The following PPP2R1B variants were observed in gnomAD, a reference collection of about 807,000 sequenced individuals.
PPP2R1B encodes serine/threonine-protein phosphatase 2A 65 kDa regulatory subunit A beta isoform.
In PPP2R1B, 58 loss-of-function variants were observed where a neutral mutation model predicts 72.7. That is an observed-to-expected ratio of 0.80 (90% CI 0.65 to 0.99). The LOEUF (loss-of-function observed/expected upper bound fraction) is 0.99. PPP2R1B is among the 50% of genes least tolerant of loss of function. The probability of loss-of-function intolerance (pLI) is 0.00; values close to 1 mark genes in which losing one functional copy is unlikely to be tolerated. For synonymous variants in PPP2R1B, 256 were observed against 264.6 expected (o/e 0.97, Z 0.32); for missense variants, 695 against 733.6 (o/e 0.95, Z 0.61).
chr11:111,722,683 A>G, downstream of PPP2R1B: 1 of 1,614,020 alleles, frequency 6.2e-7, no homozygotes, highest in Non-Finnish European at 8.5e-7. This position sits in a 1 kb window ranked among gnomAD's most constrained non-coding sequence, Gnocchi z 4.4. Flanking sequence ...CCTTCTGTCA[A>G]AGGCCCAGAA....
intron 10 of PPP2R1B, among the ~76,000 whole-genome samples, chr11:111,750,772 A>T (rs1944873755): frequency 6.6e-6 from 1 of 152,202 alleles, no homozygotes; most frequent in Non-Finnish European, 1.5e-5. Context: ...TCAAACAGTA[A>T]CAGATAATGT....
intron 8 of PPP2R1B, 131 bp from the exon 9 acceptor site, chr11:111,753,708 C>T: frequency 6.8e-6 from 6 of 884,392 alleles, no homozygotes; most frequent in Non-Finnish European, 8.3e-6. Flanking sequence ...CTCACTGCAG[C>T]CTCACCCTCC....
chr11:111,752,062 C>T, intron 10 of PPP2R1B, 97 bp downstream of exon 10: 1 of 1,326,478 alleles, frequency 7.5e-7, no homozygotes, highest in South Asian at 1.6e-5. Context: ...TGCATCTAAA[C>T]AAACATAAGC....
rs1944765190 is a variant in PPP2R1B, at chr11:111,747,995, T to C, written c.1358A>G (p.Glu453Gly). Residue 453 changes from glutamate to glycine, a missense_variant, in exon 11 of 15, where the codon GAA becomes GGA. Transcript: ENST00000527614. ...AGQLGVEFFD[E>G]KLNSLCMAWL... ...AGCCATACATAAAGAATTCAGCTTT[T>C]CATCAAAGAATTCCACACCCTACAG... 1 of 1,613,276 alleles carries C rather than the reference T, an allele frequency of 6.2e-7. No individual in the cohort carries two copies. The highest frequency in any genetic ancestry group is 1.3e-5 in the African/African-American group (1 of 74,936).
At chr11:111,727,522 G>C (rs1175829780) in intron 15 of PPP2R1B, 2 of 169,312 alleles carry the variant, frequency 1.2e-5, no homozygotes, top group South Asian at 1.6e-4. Flanking sequence ...TGGGGAGCAA[G>C]GGGGGACCCC....
chr11:111,741,656 C>T, intron 14 of PPP2R1B, 44 bp from the exon 15 acceptor site: 1 of 1,589,266 alleles, frequency 6.3e-7, no homozygotes, highest in South Asian at 1.1e-5. Context: ...ACAGAAAGTT[C>T]ACGAACGATC....
intron 10 of PPP2R1B, among the ~76,000 whole-genome samples, chr11:111,750,137 A>G (rs1416906670): frequency 6.6e-6 from 1 of 152,230 alleles, no homozygotes; most frequent in Non-Finnish European, 1.5e-5. Context: ...GACACTTTCA[A>G]TTTTATAAAA....
downstream of PPP2R1B, among the ~76,000 whole-genome samples, chr11:111,736,544 C>T (rs1944346135): frequency 6.6e-6 from 1 of 152,188 alleles, no homozygotes; most frequent in Non-Finnish European, 1.5e-5. Flanking sequence ...CAGTGGTCAC[C>T]CAGCCCTTCC....
intron 11 of PPP2R1B, 91 bp from the exon 12 acceptor site, chr11:111,743,621 A>T: frequency 7.0e-7 from 1 of 1,434,906 alleles, no homozygotes; most frequent in Non-Finnish European, 9.4e-7. Flanking sequence ...ATGTGGACCA[A>T]AAGCAAAACC....
chr11:111,732,297 G>A (rs1290287665), intron 15 of PPP2R1B, among the ~76,000 whole-genome samples: 2 of 152,140 alleles, frequency 1.3e-5, no homozygotes, highest in African/African-American at 2.4e-5. Context: ...CCAGAACTTC[G>A]GACACAGAAT....
the PPP2R1B span, chr11:111,701,420 T>A: frequency 6.2e-7 from 1 of 1,602,388 alleles, no homozygotes; most frequent in East Asian, 2.2e-5. The surrounding 1 kb of genome is among the most constrained non-coding windows in gnomAD (Gnocchi z 4.2). Context: ...ACGTTCTTGG[T>A]AGAAAAGTCT....
chr11:111,741,403 G>T lies in PPP2R1B; in HGVS notation c.*193C>A. On this transcript the variant is annotated 3_prime_UTR_variant, in exon 15 of 15. Transcript: ENST00000527614. ...AACGGCTTAAATAATGATTTAACAA[G>T]GAAGACGAGTAAAAAACAATCCCAT... 1 of 1,401,832 alleles carries T rather than the reference G, an allele frequency of 7.1e-7. No individual in the cohort carries two copies. 86.8% of individuals were successfully genotyped at this position (1,401,832 alleles called of 1,614,324 possible). A position where few individuals can be genotyped will look rare whatever the true frequency, so the allele number is the denominator to read the frequency against.
downstream of PPP2R1B, chr11:111,726,857 C>T: frequency 2.0e-6 from 2 of 980,426 alleles, no homozygotes; most frequent in South Asian, 1.5e-5. Context: ...AACCAGGCTC[C>T]TCTGAAGAGA....
rs1555052555 is a variant in PPP2R1B at position 111,764,913 on chromosome 11, T to C, written c.206-8A>G. On this transcript the variant is annotated splice_polypyrimidine_tract_variant and splice_region_variant and intron_variant, in intron 2 of 14. Transcript: ENST00000527614. ...CTTCATCATAAATTGTATCTGGAAG[T>C]GACAACAACAGGACTCATCAACATG... 1 of 1,613,342 alleles carries C rather than the reference T, an allele frequency of 6.2e-7. No homozygotes were observed. Among genetic ancestry groups the C allele is most frequent in the Admixed American group, 1.7e-5 (1 of 59,992 alleles).
chr11:111,719,746 CTG>C, the PPP2R1B span: 1 of 1,597,016 alleles, frequency 6.3e-7, no homozygotes, highest in Non-Finnish European at 8.5e-7. Flanking sequence ...AGTGCAGAAA[CTG>C]AGTTTCCTCT....
At chr11:111,710,082 T>C in the PPP2R1B span, among the ~76,000 whole-genome samples, 1 of 152,242 alleles carries the variant, frequency 6.6e-6, no homozygotes, top group East Asian at 1.9e-4. Context: ...AAATCAATTC[T>C]TCAGTTTTAT....
intron 15 of PPP2R1B, among the ~76,000 whole-genome samples, chr11:111,731,846 A>C (rs1355967273): frequency 6.6e-6 from 1 of 152,234 alleles, no homozygotes; most frequent in Non-Finnish European, 1.5e-5. Context: ...TAAGGAAAGC[A>C]CTAAATTTCA....
chr11:111,713,054 A>T, the PPP2R1B span, among the ~76,000 whole-genome samples: 3 of 152,126 alleles, frequency 2.0e-5, no homozygotes, highest in African/African-American at 7.2e-5. Context: ...AATCTGAGCT[A>T]CTCAGGAGGC....
the PPP2R1B span, among the ~76,000 whole-genome samples, chr11:111,699,687 T>G: frequency 2.0e-5 from 3 of 152,244 alleles, no homozygotes; most frequent in African/African-American, 7.2e-5. Context: ...GCTAAGAGAA[T>G]GCTTTGCCTA....
Sources: gnomAD v4.1 joint callset for allele counts (sites outside exome capture counted in the v4.1 genomes callset) on GRCh38, gnomAD v4.1.1 for gene constraint, Gnocchi (gnomAD v3.1) non-coding constraint, MANE v1.5 for transcripts, NCBI Gene and HGNC (gene_info 2026-07-23, HGNC 2026-07-21) for gene names.